Variants in KCNIP4 observed in about 807,000 individuals in gnomAD.
KCNIP4 encodes potassium voltage-gated channel interacting protein 4, also known as Kv channel-interacting protein 4.
KCNIP4 carries 12 observed loss-of-function variants against 34.0 expected under a neutral mutation model. The ratio of observed to expected loss-of-function variants is 0.35; its 90% CI spans 0.23 to 0.57. The LOEUF is 0.57. Among genes scored for constraint, KCNIP4 ranks in the 20% least tolerant of loss-of-function variants. KCNIP4 has a pLI of 0.83. For missense variants in KCNIP4, 238 were observed against 311.7 expected, an observed-to-expected ratio of 0.76 and a Z score of 1.78; for synonymous variants, 124 against 102.2, an observed-to-expected ratio of 1.21 and a Z score of -1.29.
chr4:21,666,919 G>C (rs1749012494), intron 1 of KCNIP4, among the ~76,000 whole-genome samples: 1 of 152,100 alleles, frequency 6.6e-6, no homozygotes, highest in Non-Finnish European at 1.5e-5. Flanking sequence ...TGACCTGGAG[G>C]GAATAAACAG....
At chr4:21,393,590 G>A (rs915688108) in intron 1 of KCNIP4, among the ~76,000 whole-genome samples, 10 of 152,078 alleles carry the variant, frequency 6.6e-5, no homozygotes, top group African/African-American at 1.7e-4. Flanking sequence ...ACCTTGGTAC[G>A]CAAAACAAAT....
At chr4:21,377,604 C>T (rs1721075295) in intron 1 of KCNIP4, among the ~76,000 whole-genome samples, 1 of 152,182 alleles carries the variant, frequency 6.6e-6, no homozygotes, top group Non-Finnish European at 1.5e-5. Context: ...GGTATAGGCA[C>T]CACATTAGGC....
intron 1 of KCNIP4, among the ~76,000 whole-genome samples, chr4:21,878,665 A>T (rs981723874): frequency 4.6e-5 from 7 of 152,200 alleles, no homozygotes; most frequent in Admixed American, 4.6e-4. Flanking sequence ...CCCTTAGGGC[A>T]ATTTCTATAT....
chr4:21,725,433 A>T (rs917018860), intron 1 of KCNIP4, among the ~76,000 whole-genome samples: 1 of 152,126 alleles, frequency 6.6e-6, no homozygotes, highest in Admixed American at 6.6e-5. Context: ...AAGGCAGCAA[A>T]ACGAAGTAAG....
At chr4:21,181,078 C>T (rs1754803676) in intron 1 of KCNIP4, among the ~76,000 whole-genome samples, 1 of 152,036 alleles carries the variant, frequency 6.6e-6, no homozygotes, top group Non-Finnish European at 1.5e-5. Flanking sequence ...ATTTACAGGG[C>T]AATCACAGTA....
chr4:21,370,844 TATATATACACACAC>T (rs1216350922), intron 1 of KCNIP4, among the ~76,000 whole-genome samples: 9 of 25,898 alleles, frequency 3.5e-4, no homozygotes, highest in Admixed American at 4.8e-4. Flanking sequence ...TATATATATA[TATATATACACACAC>T]ACACACACAC....
intron 1 of KCNIP4, among the ~76,000 whole-genome samples, chr4:21,250,324 A>G (rs146649161): frequency 0.015 from 2,238 of 152,224 alleles, 27 homozygotes; most frequent in South Asian, 0.026. Flanking sequence ...AACATTATGA[A>G]ACTTCTTCCT....
intron 1 of KCNIP4, among the ~76,000 whole-genome samples, chr4:21,467,766 C>A (rs1201709617): frequency 6.6e-6 from 1 of 152,098 alleles, no homozygotes; most frequent in African/African-American, 2.4e-5. Flanking sequence ...AGTCGGAAGG[C>A]CATTGTGACT....
At chr4:21,372,847 TAGTG>T (rs1336362928) in intron 1 of KCNIP4, among the ~76,000 whole-genome samples, 1 of 145,822 alleles carries the variant, frequency 6.9e-6, no homozygotes, top group Non-Finnish European at 1.5e-5. Context: ...TATCTCAAAA[TAGTG>T]AGGAGTGAAT....
chr4:21,346,482 A>G (rs1313356170), intron 1 of KCNIP4, among the ~76,000 whole-genome samples: 5 of 150,774 alleles, frequency 3.3e-5, no homozygotes, highest in African/African-American at 1.2e-4. Flanking sequence ...AATGAATTTC[A>G]AACTCACACT....
At chr4:21,130,448 T>TCATTG (rs1337597112) in intron 1 of KCNIP4, among the ~76,000 whole-genome samples, 1 of 152,308 alleles carries the variant, frequency 6.6e-6, no homozygotes, top group East Asian at 1.9e-4. Context: ...CCAAGAAACG[T>TCATTG]CATCATTGCA....
chr4:21,459,755 C>T (rs990144361), intron 1 of KCNIP4, among the ~76,000 whole-genome samples: 4 of 151,968 alleles, frequency 2.6e-5, no homozygotes, highest in Admixed American at 2.6e-4. Context: ...TCATGATTGT[C>T]TTTTCTTTTC....
chr4:21,577,789 C>A (rs1298052074), intron 1 of KCNIP4, among the ~76,000 whole-genome samples: 1 of 152,152 alleles, frequency 6.6e-6, no homozygotes, highest in Admixed American at 6.5e-5. Context: ...TTTGGAAATT[C>A]TGTCCAGAAG....
chr4:21,787,453 G>T (rs1006505985), intron 1 of KCNIP4, among the ~76,000 whole-genome samples: 1 of 152,106 alleles, frequency 6.6e-6, no homozygotes, highest in South Asian at 2.1e-4. Flanking sequence ...TCTCATTTAT[G>T]CCCACACAGC....
At chr4:20,861,822 T>C (rs560170488) in intron 2 of KCNIP4, among the ~76,000 whole-genome samples, 3 of 152,158 alleles carry the variant, frequency 2.0e-5, no homozygotes, top group African/African-American at 7.2e-5. Flanking sequence ...ACAGCACTTA[T>C]GAAATAGATT....
chr4:21,177,650 CA>C (rs1163978041), intron 1 of KCNIP4, among the ~76,000 whole-genome samples: 2 of 151,700 alleles, frequency 1.3e-5, no homozygotes, highest in Admixed American at 1.3e-4. Flanking sequence ...GCCAACATGA[CA>C]AAACCCGGTC....
intron 3 of KCNIP4, among the ~76,000 whole-genome samples, chr4:20,791,634 CA>C (rs1712770857): frequency 6.6e-6 from 1 of 152,072 alleles, no homozygotes; most frequent in Non-Finnish European, 1.5e-5. Context: ...AACCCTAAAG[CA>C]AACGCTAAAA....
At chr4:21,734,325 A>G (rs970700664) in intron 1 of KCNIP4, among the ~76,000 whole-genome samples, 3 of 152,224 alleles carry the variant, frequency 2.0e-5, no homozygotes, top group African/African-American at 4.8e-5. Context: ...GTGACTCAGT[A>G]TCAAGATAGT....
intron 1 of KCNIP4, chr4:20,984,110 C>G (rs1736351342): frequency 5.9e-6 from 5 of 852,452 alleles, no homozygotes; most frequent in Non-Finnish European, 8.7e-6. Context: ...GGCTAAAGTC[C>G]AGCTTCTCAT....
Sources: allele counts gnomAD v4.1 joint callset (sites outside exome capture counted in the v4.1 genomes callset), GRCh38; gene constraint gnomAD v4.1.1; transcripts MANE v1.5; gene names NCBI Gene and HGNC (gene_info 2026-07-23, HGNC 2026-07-21).